Variants in PCLO observed in about 807,000 individuals in gnomAD.
The protein encoded by PCLO is piccolo presynaptic cytomatrix protein, also known as protein piccolo.
Under a neutral mutation model 427.5 loss-of-function variants are expected in PCLO, and 82 were observed. The ratio of observed to expected loss-of-function variants is 0.19; its 90% CI spans 0.16 to 0.23. The LOEUF (loss-of-function observed/expected upper bound fraction) is 0.23, where lower values mean the gene tolerates loss of function less well. PCLO is among the 10% of genes least tolerant of loss of function. The probability of loss-of-function intolerance (pLI) is 1.00; values close to 1 mark genes in which losing one functional copy is unlikely to be tolerated. For missense variants in PCLO, 6,239 were observed against 6,115.9 expected (o/e 1.02, Z -0.67); for synonymous variants, 2,357 against 2,155.4 (o/e 1.09, Z -2.59).
intron 22 of PCLO, among the ~76,000 whole-genome samples, chr7:82,771,370 A>G: frequency 6.6e-6 from 1 of 151,992 alleles, no homozygotes; most frequent in Admixed American, 6.6e-5. Flanking sequence ...TTATTTATTT[A>G]GAATGCAACT....
intron 21 of PCLO, among the ~76,000 whole-genome samples, chr7:82,803,726 T>C (rs1186900458): frequency 3.3e-5 from 5 of 152,164 alleles, no homozygotes; most frequent in Admixed American, 3.3e-4. Context: ...TTAAACACTT[T>C]TACTAGCCCA....
chr7:82,873,108 A>C (rs1174526578), intron 10 of PCLO, among the ~76,000 whole-genome samples: 1 of 152,062 alleles, frequency 6.6e-6, no homozygotes, highest in Non-Finnish European at 1.5e-5. Flanking sequence ...AATATGGAAG[A>C]AACATGGTAA....
intron 10 of PCLO, among the ~76,000 whole-genome samples, chr7:82,860,117 T>G (rs1215351048): frequency 6.6e-6 from 1 of 151,998 alleles, no homozygotes; most frequent in African/African-American, 2.4e-5. Flanking sequence ...TTATTGGCCT[T>G]AAAGAGGAAG....
chr7:82,946,816 T>C (rs879456575), intron 6 of PCLO, among the ~76,000 whole-genome samples: 2 of 152,210 alleles, frequency 1.3e-5, no homozygotes, highest in Non-Finnish European at 2.9e-5. Flanking sequence ...GCAAGTAACA[T>C]AATCTGATGT....
chr7:82,778,830 T>C (rs542236413), intron 22 of PCLO, among the ~76,000 whole-genome samples: 1 of 152,180 alleles, frequency 6.6e-6, no homozygotes, highest in South Asian at 2.1e-4. Context: ...TTTGGTCTGC[T>C]AGATTATACC....
intron 3 of PCLO, among the ~76,000 whole-genome samples, chr7:83,077,415 C>T (rs1156799545): frequency 6.6e-6 from 1 of 152,082 alleles, no homozygotes; most frequent in East Asian, 1.9e-4. Context: ...TCCCTGGTCT[C>T]GTCCTGACTG....
chr7:83,126,653 CAGAT>C (rs1222059949), intron 3 of PCLO, among the ~76,000 whole-genome samples: 1 of 151,708 alleles, frequency 6.6e-6, no homozygotes, highest in Admixed American at 6.6e-5. Flanking sequence ...AAATCATTTC[CAGAT>C]AGATAAATTG....
At chr7:83,051,440 C>T (rs1274756897) in intron 3 of PCLO, among the ~76,000 whole-genome samples, 20 of 152,030 alleles carry the variant, frequency 1.3e-4, no homozygotes, top group Admixed American at 1.3e-3. Context: ...AAATAAAGAA[C>T]TTAATACCAT....
chr7:83,086,603 C>G (rs543028207), intron 3 of PCLO, among the ~76,000 whole-genome samples: 4 of 152,016 alleles, frequency 2.6e-5, no homozygotes, highest in Non-Finnish European at 5.9e-5. Flanking sequence ...ATCATGAGTA[C>G]GGCATTAATC....
At chr7:82,938,289 G>T (rs1795002392) in intron 6 of PCLO, among the ~76,000 whole-genome samples, 1 of 151,892 alleles carries the variant, frequency 6.6e-6, no homozygotes, top group African/African-American at 2.4e-5. Context: ...TGTCTTAGAA[G>T]CAAGACACTG....
Position 82,954,087 on chromosome 7 carries a change from A to G in PCLO, c.6866T>C (p.Val2289Ala). Residue 2289 changes from valine (V) to alanine (A), a missense_variant, in exon 5 of 25, where the codon GTT (valine) becomes GCT (alanine). Val to Ala is a moderately conservative substitution (Grantham distance 64, BLOSUM62 0). Transcript: ENST00000333891. ...PKPEGPVADT[V>A]STDLLISEKD... ...TTCAGATATAAGTAAGTCAGTAGAA[A>G]CAGTGTCAGCAACTGGCCCTTCAGG... 6.2e-7 allele frequency: 1 copy of G among 1,613,890 alleles called. No homozygotes were observed. Among genetic ancestry groups the G allele is most frequent in the African/African-American group, 1.3e-5 (1 of 75,030 alleles).
At position 82,916,791 on chromosome 7, in the gene PCLO, A is replaced by G. The variant is rs756565733; in HGVS notation, c.11195T>C (p.Ile3732Thr). ...RTLPNPPPEEISTGTQSTFST... is the reference protein window; with the variant it reads ...RTLPNPPPEETSTGTQSTFST... ...GAATGTGGATTGAGTTCCTGTGGAA[A>G]TCTCCTCAGGAGGTGGATTTGGCAG... Residue 3732 changes from isoleucine (I) to threonine (T), a missense_variant, in exon 7 of 25, where the codon ATT becomes ACT. Physicochemically the swap from Ile to Thr is moderately conservative, Grantham distance 89. Around this residue, in one of 5 missense-constraint regions of PCLO, gnomAD observed 4,677 missense variants for 4,468.4 expected, o/e 1.05. Transcript: ENST00000333891. 28 of 1,613,466 alleles carry G rather than the reference A, an allele frequency of 1.7e-5. No homozygotes were observed. Among genetic ancestry groups the G allele is most frequent in the Non-Finnish European group, 2.3e-5 (27 of 1,179,676 alleles).
chr7:83,107,664 TA>T (rs1790891974), intron 3 of PCLO, among the ~76,000 whole-genome samples: 1 of 150,394 alleles, frequency 6.6e-6, no homozygotes, highest in Non-Finnish European at 1.5e-5. Context: ...AATTTATTAA[TA>T]ATTATATATT....
chr7:82,868,939 C>A (rs1374164930), intron 10 of PCLO, among the ~76,000 whole-genome samples: 3 of 152,044 alleles, frequency 2.0e-5, no homozygotes, highest in Admixed American at 6.6e-5. Flanking sequence ...GTTTTAGGTT[C>A]ATTGGATATA....
At chr7:82,943,336 C>T (rs955311350) in intron 6 of PCLO, among the ~76,000 whole-genome samples, 5 of 152,054 alleles carry the variant, frequency 3.3e-5, no homozygotes, top group Non-Finnish European at 7.4e-5. Context: ...AATTAATAGC[C>T]TATGTACTTT....
intron 22 of PCLO, among the ~76,000 whole-genome samples, chr7:82,763,814 T>G (rs769316049): frequency 1.3e-5 from 2 of 152,052 alleles, no homozygotes; most frequent in African/African-American, 2.4e-5. Context: ...AGATAGTTCA[T>G]AGTAGAGAGA....
At chr7:82,908,677 A>G (rs1385104164) in intron 8 of PCLO, among the ~76,000 whole-genome samples, 200 bp downstream of exon 8, 1 of 152,132 alleles carries the variant, frequency 6.6e-6, no homozygotes, top group East Asian at 1.9e-4. Context: ...AAATTGGTAG[A>G]AGTATCACAG....
At chr7:82,882,997 C>T (rs977112943) in intron 9 of PCLO, among the ~76,000 whole-genome samples, 3 of 151,982 alleles carry the variant, frequency 2.0e-5, no homozygotes, top group Non-Finnish European at 4.4e-5. Context: ...TAGAACATTA[C>T]ATTTGGATAA....
At chr7:83,011,195 A>G (rs1002469141) in intron 3 of PCLO, among the ~76,000 whole-genome samples, 1 of 152,058 alleles carries the variant, frequency 6.6e-6, no homozygotes, top group African/African-American at 2.4e-5. Context: ...TGTCTTCTCA[A>G]AACTACCATG....
Sources: gnomAD v4.1 joint callset for allele counts (sites outside exome capture counted in the v4.1 genomes callset) on GRCh38, gnomAD v4.1.1 for gene constraint, gnomAD v4.1.1 regional missense constraint, MANE v1.5 for transcripts, NCBI Gene and HGNC (gene_info 2026-07-23, HGNC 2026-07-21) for gene names.